PIKFYVE: variants seen among roughly 807,000 people sequenced by gnomAD.
PIKFYVE encodes the protein phosphoinositide kinase, FYVE-type zinc finger containing.
PIKFYVE carries 122 observed loss-of-function variants against 257.9 expected under a neutral mutation model. The observed-to-expected ratio is 0.47, with a 90% confidence interval of 0.41 to 0.55. The LOEUF (loss-of-function observed/expected upper bound fraction) is 0.55. Among genes scored for constraint, PIKFYVE ranks in the 20% least tolerant of loss-of-function variants. PIKFYVE has a pLI of 0.00. For missense variants in PIKFYVE, 2,160 were observed against 2,536.6 expected, an observed-to-expected ratio of 0.85 and a Z score of 3.19; for synonymous variants, 892 against 868.9, an observed-to-expected ratio of 1.03 and a Z score of -0.47.
chr2:208,305,515 ATATT>A, intron 12 of PIKFYVE: 1 of 843,428 alleles, frequency 1.2e-6, no homozygotes, highest in Non-Finnish European at 1.4e-6. Flanking sequence ...TGTATATTCT[ATATT>A]TATTAAAACA....
intron 7 of PIKFYVE, among the ~76,000 whole-genome samples, chr2:208,293,907 C>G (rs1429601165): frequency 6.6e-6 from 1 of 152,054 alleles, no homozygotes; most frequent in Non-Finnish European, 1.5e-5. Context: ...GTTTTTTTGA[C>G]ATTTATCCAC....
chr2:208,306,556 A>C (rs1234444893), intron 12 of PIKFYVE, among the ~76,000 whole-genome samples: 1 of 152,210 alleles, frequency 6.6e-6, no homozygotes, highest in East Asian at 1.9e-4. Flanking sequence ...GTGACCTGTC[A>C]TCATAGAATT....
rs756949135 is a variant in PIKFYVE, at chr2:208,304,329, C to T, written c.1468+11C>T. On this transcript the variant is annotated intron_variant, in intron 11 of 41. Coordinates refer to ENST00000264380, the MANE Select transcript of PIKFYVE (RefSeq NM_015040.4). ...ACGATAATTTGGCTAGTGAGTTTAA[C>T]TTTCTAACATTTTAGTTTTGATGGG... 4 of 1,613,204 alleles carry T rather than the reference C, an allele frequency of 2.5e-6. No homozygotes were observed. The highest frequency in any genetic ancestry group is 2.2e-5 in the East Asian group (1 of 44,890).
In PIKFYVE at chr2:208,300,345, G is replaced by A. The variant is rs78613907; in HGVS notation, c.1051-592G>A. On this transcript the variant is annotated intron_variant, in intron 8 of 41. Coordinates refer to ENST00000264380, the MANE Select transcript of PIKFYVE (RefSeq NM_015040.4). ...AGCATGACATTTTCCATGGCCAGAA[G>A]TAGGATTTTTTAATTGGGAGAGAGT... is the stretch of plus-strand genomic sequence containing the variant. 3.3e-3 allele frequency among the ~76,000 whole-genome samples: 510 copies of A among 152,282 alleles called. 3 individuals are homozygous for A. The highest frequency in any genetic ancestry group is 0.012 in the African/African-American group (493 of 41,550).
chr2:208,340,809 A>T (rs1054777471), intron 31 of PIKFYVE, among the ~76,000 whole-genome samples: 1 of 152,160 alleles, frequency 6.6e-6, no homozygotes, highest in Non-Finnish European at 1.5e-5. Flanking sequence ...AGGAACTGTC[A>T]TCACTCTTAG....
rs1212193357 is a variant in PIKFYVE at position 208,351,078 on chromosome 2, T to C, written c.5611+131T>C. On this transcript the variant is annotated intron_variant, in intron 37 of 41. Transcript: ENST00000264380. ...ACTTACTAGTTTTAACAGAGGTGTT[T>C]ATAAAGTTTTATTTAGTAGTTTTAA... The C allele has an allele frequency of 4.0e-6, 5 of 1,247,358 alleles. No homozygotes were observed. In the African/African-American group the frequency reaches 6.1e-5, roughly 15 times the overall value. 77.3% of individuals were successfully genotyped at this position (1,247,358 alleles called of 1,614,324 possible).
At chr2:208,286,057 C>T (rs1466479994) in intron 6 of PIKFYVE, 124 bp downstream of exon 6, 1 of 1,017,088 alleles carries the variant, frequency 9.8e-7, no homozygotes, top group African/African-American at 1.6e-5. Context: ...CTGTGTTCTC[C>T]TTTTTCTTTG....
chr2:208,281,907 C>A (rs1035020116), intron 5 of PIKFYVE, among the ~76,000 whole-genome samples: 1 of 152,174 alleles, frequency 6.6e-6, no homozygotes, highest in African/African-American at 2.4e-5. Context: ...TTTTAACAAT[C>A]TTAGCACTGA....
At chr2:208,267,768 AGGT>A (rs1307378550) in intron 1 of PIKFYVE, among the ~76,000 whole-genome samples, 1 of 152,134 alleles carries the variant, frequency 6.6e-6, no homozygotes, top group Non-Finnish European at 1.5e-5. Flanking sequence ...CGGCCTCCCA[AGGT>A]GCTGGGATTA....
Position 208,285,871 on chromosome 2 carries a change from A to T in PIKFYVE, c.759A>T (p.Thr253=), listed in dbSNP as rs761020257. 2 of 1,614,100 alleles carry T rather than the reference A, an allele frequency of 1.2e-6. No individual in the cohort carries two copies. The highest frequency in any genetic ancestry group is 1.1e-5 in the South Asian group (1 of 91,088). Residue 253 remains threonine (T), a synonymous_variant, in exon 6 of 42, where the codon ACA becomes ACT. Transcript: ENST00000264380. The part of the protein sequence containing the change: ...VSVLDPSEPR[T]PVGSRKASRN... ...TGCTTGATCCAAGTGAACCCCGAAC[A>T]CCTGTTGGGAGTAGGAAAGCCAGCC...
intron 31 of PIKFYVE, among the ~76,000 whole-genome samples, chr2:208,341,599 A>G (rs926067329): frequency 6.6e-6 from 1 of 152,096 alleles, no homozygotes; most frequent in Non-Finnish European, 1.5e-5. Flanking sequence ...GGGTGCCAGC[A>G]TGGTTGGGTT....
At chr2:208,349,521 TTATA>T (rs1051324598) in intron 35 of PIKFYVE, among the ~76,000 whole-genome samples, 1 of 149,870 alleles carries the variant, frequency 6.7e-6, no homozygotes, top group African/African-American at 2.4e-5. Flanking sequence ...TGTTATATAA[TTATA>T]TATGTTATAG....
intron 9 of PIKFYVE, 62 bp from the exon 10 acceptor site, chr2:208,302,180 T>A: frequency 7.3e-7 from 1 of 1,374,296 alleles, no homozygotes; most frequent in Non-Finnish European, 1.0e-6. Flanking sequence ...TTGTGTCTTA[T>A]CTGGTACTTA....
chr2:208,338,485 A>G (rs1274224757), intron 28 of PIKFYVE, 23 bp from the exon 29 acceptor site: 1 of 1,607,612 alleles, frequency 6.2e-7, no homozygotes, highest in Non-Finnish European at 8.5e-7. Context: ...TTCCATAAGA[A>G]CAAAGTATTT....
rs577697689 is a variant in PIKFYVE, at chr2:208,315,587, C to T, written c.2007+214C>T. On this transcript the variant is annotated intron_variant, in intron 15 of 41. Transcript: ENST00000264380. ...GGTCAATGGAAAGGATGAGTTATATCGGAGATGAGTTGGGAACCCAAACAG... is the reference window on the plus strand; with the variant it reads ...GGTCAATGGAAAGGATGAGTTATATTGGAGATGAGTTGGGAACCCAAACAG... 7.2e-5 allele frequency among the ~76,000 whole-genome samples: 11 copies of T among 152,278 alleles called. 1 individual carries two copies. The highest frequency in any genetic ancestry group is 2.1e-4 in the South Asian group (1 of 4,824).
intron 2 of PIKFYVE, 137 bp from the exon 3 acceptor site, chr2:208,273,447 A>T: frequency 1.1e-6 from 1 of 928,938 alleles, no homozygotes; most frequent in Non-Finnish European, 1.7e-6. Context: ...AAAATTAAAT[A>T]AATGAAAAAG....
intron 3 of PIKFYVE, 83 bp from the exon 4 acceptor site, chr2:208,276,629 G>A (rs944322536): frequency 1.1e-5 from 10 of 947,562 alleles, no homozygotes; most frequent in Admixed American, 1.7e-5. Context: ...ACAATAAGAG[G>A]CAGTTTCCAT....
chr2:208,324,971 C>T lies in PIKFYVE; in HGVS notation c.2392C>T (p.Leu798=), dbSNP rs1324689170. The T allele has an allele frequency of 6.2e-7, 1 of 1,613,940 alleles. No individual in the cohort carries two copies. Among genetic ancestry groups the T allele is most frequent in the Non-Finnish European group, 8.5e-7 (1 of 1,179,962 alleles). ...QGDLVMSMDQ[L]LTKPHLGTCH... is the part of the protein sequence containing the mutation. ...TGATTTAGTGATGTCAATGGACCAGCTGCTTACGAAACCACACCTGGGCAC... is the reference window on the plus strand; with the variant it reads ...TGATTTAGTGATGTCAATGGACCAGTTGCTTACGAAACCACACCTGGGCAC... Residue 798 remains leucine, a synonymous_variant, in exon 19 of 42, where the codon CTG becomes TTG. Transcript: ENST00000264380.
At chr2:208,305,161 C>T (rs1002765474) in intron 12 of PIKFYVE, 148 bp downstream of exon 12, 24 of 1,537,466 alleles carry the variant, frequency 1.6e-5, no homozygotes, top group Non-Finnish European at 1.7e-5. Flanking sequence ...TCATTTCTCC[C>T]ACACCTCCTC....
Sources: gnomAD v4.1 joint callset for allele counts (sites outside exome capture counted in the v4.1 genomes callset) on GRCh38, gnomAD v4.1.1 for gene constraint, MANE v1.5 for transcripts, NCBI Gene and HGNC (gene_info 2026-07-23, HGNC 2026-07-21) for gene names.